The following GLOD4 variants were observed in gnomAD, a reference collection of about 807,000 sequenced individuals.
GLOD4 encodes glyoxalase domain-containing protein 4.
Under a neutral mutation model 39.1 loss-of-function variants are expected in GLOD4, and 44 were observed. The observed-to-expected ratio is 1.13, with a 90% CI of 0.88 to 1.45. The LOEUF (loss-of-function observed/expected upper bound fraction) is 1.45. GLOD4 is among the 40% of genes most tolerant of loss of function. GLOD4 has a pLI of 0.00. For synonymous variants in GLOD4, 145 were observed against 135.0 expected (o/e 1.07, Z -0.52); for missense variants, 405 against 366.4 (o/e 1.11, Z -0.86).
chr17:762,227 ACTGT>A (rs1227879687), intron 8 of GLOD4, among the ~76,000 whole-genome samples: 2 of 152,358 alleles, frequency 1.3e-5, no homozygotes, highest in East Asian at 3.9e-4. Context: ...GTCAAAAGTG[ACTGT>A]CTGTAAATCT....
Position 760,095 on chromosome 17 carries a change from T to C in GLOD4, c.*78A>G, listed in dbSNP as rs1312720087. On this transcript the variant is annotated 3_prime_UTR_variant, in exon 9 of 9. Transcript: ENST00000301329. ...GTACGGGAAACAAATCAGAAGAGCATTTATTGGGAACTGACACGTCAGGCC... is the reference window on the plus strand; with the variant it reads ...GTACGGGAAACAAATCAGAAGAGCACTTATTGGGAACTGACACGTCAGGCC... The C allele has an allele frequency of 2.4e-6, 2 of 829,888 alleles. No homozygotes were observed. The highest frequency in any genetic ancestry group is 4.8e-5 in the East Asian group (2 of 41,280). The allele number at this position is 829,888 out of a possible 1,614,324, so 51.4% of individuals were successfully genotyped here. A position where few individuals can be genotyped will look rare whatever the true frequency, so the allele number is the denominator to read the frequency against.
intron 2 of GLOD4, chr17:778,285 G>C: frequency 3.3e-6 from 1 of 301,572 alleles, no homozygotes; most frequent in Non-Finnish European, 6.1e-6. Flanking sequence ...GACTGTGACC[G>C]GCGCCTGACG....
rs763696517 is a variant in GLOD4, at chr17:760,183, G to T, written c.887C>A (p.Ala296Asp). The change falls in exon 9 of 9, where the codon GCT (alanine) becomes GAT (aspartate). Residue 296 changes from alanine (A) to aspartate (D), a missense_variant. Physicochemically the swap from Ala to Asp is moderately radical, Grantham distance 126. Coordinates refer to ENST00000301329, the MANE Select transcript of GLOD4 (RefSeq NM_016080.4). Reference protein sequence around the residue: ...EWFAKHNKPKASG With the variant: ...EWFAKHNKPKDSG The stretch of plus-strand genomic sequence containing the variant: ...GCATCATGTCTTCCGTTAACCTGAA[G>T]CTTTGGGTTTATTGTGTTTGGCAAA... 29 of 1,593,462 alleles carry T rather than the reference G, an allele frequency of 1.8e-5. No homozygotes were observed. Among genetic ancestry groups the T allele is most frequent in the Non-Finnish European group, 2.5e-5 (29 of 1,161,178 alleles).
upstream of GLOD4, among the ~76,000 whole-genome samples, chr17:784,502 T>C (rs184343407): frequency 6.6e-6 from 1 of 152,220 alleles, no homozygotes; most frequent in East Asian, 1.9e-4. Context: ...GAACTTGTGC[T>C]TGTCACTTGG....
intron 5 of GLOD4, 154 bp from the exon 6 acceptor site, chr17:770,661 T>G: frequency 1.8e-6 from 1 of 556,784 alleles, no homozygotes; most frequent in Non-Finnish European, 3.2e-6. Context: ...CACACTTTCC[T>G]GTGTATCCTT....
At chr17:769,354 G>A (rs1907472592) in intron 8 of GLOD4, among the ~76,000 whole-genome samples, 2 of 151,016 alleles carry the variant, frequency 1.3e-5, no homozygotes, top group African/African-American at 4.9e-5. Context: ...CATGCGGAGA[G>A]CTGAGGGGAA....
chr17:783,081 AG>A, upstream of GLOD4: 4 of 1,604,948 alleles, frequency 2.5e-6, no homozygotes, highest in Non-Finnish European at 3.4e-6. Context: ...TTCCATCTAC[AG>A]CAGTGTAATG....
intron 6 of GLOD4, 102 bp from the exon 7 acceptor site, chr17:770,259 C>G: frequency 1.3e-6 from 1 of 764,932 alleles, no homozygotes; most frequent in Non-Finnish European, 2.3e-6. Context: ...AGAACCAAGG[C>G]GCCATTTGTT....
chr17:775,143 C>T (rs1049554918), intron 4 of GLOD4, among the ~76,000 whole-genome samples: 2 of 147,720 alleles, frequency 1.4e-5, no homozygotes, highest in African/African-American at 5.0e-5. Context: ...TGGTGGCAGG[C>T]GCCTATAATC....
chr17:769,955 C>G lies in GLOD4; in HGVS notation c.745G>C (p.Asp249His), dbSNP rs754254427. ...TVQVVILADP[D>H]GHEICFVGDE... is the part of the protein sequence containing the mutation. Reference sequence around the variant, plus strand: ...CCGACAAAGCAAATTTCATGTCCGTCCTACACCAATAAAGAGAAAAGACAC... The same window carrying G: ...CCGACAAAGCAAATTTCATGTCCGTGCTACACCAATAAAGAGAAAAGACAC... Residue 249 changes from aspartate to histidine, a missense_variant and splice_region_variant, in exon 8 of 9, where the codon GAC becomes CAC. Asp to His is a moderately conservative substitution (Grantham distance 81). Transcript: ENST00000301329. The G allele has an allele frequency of 6.2e-7, 1 of 1,605,272 alleles. No individual in the cohort carries two copies. The highest frequency in any genetic ancestry group is 8.5e-7 in the Non-Finnish European group (1 of 1,171,946).
chr17:767,841 A>C (rs914910697), intron 8 of GLOD4, among the ~76,000 whole-genome samples: 1 of 143,560 alleles, frequency 7.0e-6, no homozygotes, highest in African/African-American at 2.6e-5. Context: ...TGTGAGAGAG[A>C]AACAGCGCGC....
At chr17:778,952 T>C in intron 1 of GLOD4, 1 of 575,444 alleles carries the variant, frequency 1.7e-6, no homozygotes, top group South Asian at 2.3e-5. Context: ...ACCAAATCAG[T>C]TGTGAAATCT....
intron 8 of GLOD4, among the ~76,000 whole-genome samples, chr17:768,534 G>A (rs1353502127): frequency 1.4e-5 from 2 of 146,442 alleles, no homozygotes; most frequent in African/African-American, 5.2e-5. Flanking sequence ...ATTTTTAGAA[G>A]AAATCTGGAG....
intron 8 of GLOD4, among the ~76,000 whole-genome samples, chr17:768,260 A>C (rs1161978122): frequency 3.3e-5 from 5 of 150,336 alleles, no homozygotes; most frequent in Non-Finnish European, 7.4e-5. Flanking sequence ...TTTTAGAAGA[A>C]ATCTGGAGAG....
At chr17:780,557 G>A (rs1349019213) in intron 1 of GLOD4, 3 of 151,978 alleles carry the variant, frequency 2.0e-5, no homozygotes, top group African/African-American at 4.8e-5. Context: ...TGGCTAACAC[G>A]GTGAAACCCC....
chr17:769,929 C>A lies in GLOD4; in HGVS notation c.771G>T (p.Gly257=). The stretch of plus-strand genomic sequence containing the variant: ...TAGAAAGTTCTCGAAATGCTTCATC[C>A]CCGACAAAGCAAATTTCATGTCCGT... ...DPDGHEICFV[G]DEAFRELSKM... Residue 257 remains glycine, a synonymous_variant, in exon 8 of 9, where the codon GGG becomes GGT. Transcript: ENST00000301329. The A allele has an allele frequency of 6.2e-7, 1 of 1,610,968 alleles. No individual in the cohort carries two copies. Among genetic ancestry groups the A allele is most frequent in the Non-Finnish European group, 8.5e-7 (1 of 1,177,174 alleles).
rs1905201322 is a variant in GLOD4 at position 760,148 on chromosome 17, G to A, written c.*25C>T. On this transcript the variant is annotated 3_prime_UTR_variant, in exon 9 of 9. Transcript: ENST00000301329. ...ACAGGTGCTGGGCAGGAATCACAGA[G>A]GCTTGCTCTGCATCATGTCTTCCGT... 1.4e-6 allele frequency: 2 copies of A among 1,424,236 alleles called. No homozygotes were observed. The highest frequency in any genetic ancestry group is 2.0e-6 in the Non-Finnish European group (2 of 1,006,888). The allele number at this position is 1,424,236 out of a possible 1,614,324, so 88.2% of individuals were successfully genotyped here. A position where few individuals can be genotyped will look rare whatever the true frequency, so the allele number is the denominator to read the frequency against.
At chr17:765,768 G>A (rs1024060071) in intron 8 of GLOD4, among the ~76,000 whole-genome samples, 1 of 151,880 alleles carries the variant, frequency 6.6e-6, no homozygotes, top group African/African-American at 2.4e-5. Flanking sequence ...GACCAACATG[G>A]TGAAACCCCA....
chr17:783,469 T>TGG, upstream of GLOD4: 1 of 811,874 alleles, frequency 1.2e-6, no homozygotes. Flanking sequence ...CCGCAGTAGC[T>TGG]GGGATTACAG....
Sources: allele counts gnomAD v4.1 joint callset (sites outside exome capture counted in the v4.1 genomes callset), GRCh38; gene constraint gnomAD v4.1.1; transcripts MANE v1.5; gene names NCBI Gene and HGNC (gene_info 2026-07-23, HGNC 2026-07-21).